INSC: variants seen among roughly 807,000 people sequenced by gnomAD.
INSC encodes INSC spindle orientation adaptor protein.
Under a neutral mutation model 58.6 loss-of-function variants are expected in INSC, and 67 were observed. The observed-to-expected ratio is 1.14, with a 90% confidence interval of 0.94 to 1.40. The LOEUF is 1.40. INSC is among the 40% of genes most tolerant of loss of function. INSC has a pLI of 0.00. For missense variants in INSC, 714 were observed against 692.0 expected (o/e 1.03, Z -0.36); for synonymous variants, 262 against 276.1 (o/e 0.95, Z 0.51).
At chr11:15,257,146 C>A in the INSC span, among the ~76,000 whole-genome samples, 1 of 152,158 alleles carries the variant, frequency 6.6e-6, no homozygotes, top group Non-Finnish European at 1.5e-5. Flanking sequence ...TCAAAAAGTT[C>A]AGTTAAACAG....
intron 1 of INSC, among the ~76,000 whole-genome samples, chr11:15,116,567 G>A (rs896023323): frequency 6.6e-6 from 1 of 152,162 alleles, no homozygotes. Context: ...TACCAGCTGA[G>A]TGGTGGTGTT....
In INSC at chr11:15,181,047, G is replaced by A. The variant is rs143225501; in HGVS notation, c.579+2600G>A. Among the ~76,000 whole-genome samples, 531 of 152,228 alleles carry A rather than the reference G, an allele frequency of 3.5e-3. 2 individuals carry two copies. Among genetic ancestry groups the A allele is most frequent in the African/African-American group, 0.012 (509 of 41,534 alleles). ...TATACCAGGATCTTACATTTGTGCCGTCTTGATGTAAATGAAATCAAATCT... is the reference window on the plus strand; with the variant it reads ...TATACCAGGATCTTACATTTGTGCCATCTTGATGTAAATGAAATCAAATCT... On this transcript the variant is annotated intron_variant, in intron 5 of 12. Transcript: ENST00000379556.
At chr11:15,116,803 T>TC (rs1331506504) in intron 1 of INSC, among the ~76,000 whole-genome samples, 1 of 117,730 alleles carries the variant, frequency 8.5e-6, no homozygotes, top group Non-Finnish European at 1.9e-5. Context: ...TTCTTTTCTT[T>TC]CTTTTCTTTC....
intron 7 of INSC, among the ~76,000 whole-genome samples, chr11:15,208,324 G>A (rs1850887317): frequency 6.6e-6 from 1 of 152,044 alleles, no homozygotes; most frequent in Non-Finnish European, 1.5e-5. Context: ...AGGCTTTGCA[G>A]AGAGGCCCAG....
At chr11:15,200,992 G>A (rs1453892428) in intron 7 of INSC, 43 bp downstream of exon 7, 1 of 1,560,948 alleles carries the variant, frequency 6.4e-7, no homozygotes, top group Non-Finnish European at 8.7e-7. Context: ...CCTCAAGCCA[G>A]GTAGGGGTGA....
At chr11:15,243,566 C>T (rs986446389) in intron 12 of INSC, among the ~76,000 whole-genome samples, 9 of 152,104 alleles carry the variant, frequency 5.9e-5, no homozygotes, top group Non-Finnish European at 8.8e-5. Context: ...CTGCTGCACA[C>T]TGAGGAGGGG....
chr11:15,194,345 G>A (rs1850293140), intron 6 of INSC, among the ~76,000 whole-genome samples: 2 of 152,108 alleles, frequency 1.3e-5, no homozygotes, highest in Non-Finnish European at 2.9e-5. Flanking sequence ...GGTTCCCAGT[G>A]CCCACTCGGT....
chr11:15,193,535 C>T (rs1304677900), intron 6 of INSC, among the ~76,000 whole-genome samples: 1 of 152,150 alleles, frequency 6.6e-6, no homozygotes, highest in Non-Finnish European at 1.5e-5. Context: ...TGAGTGAGAA[C>T]ATGCGGTGTT....
At chr11:15,225,961 A>G (rs989570507) in intron 9 of INSC, 133 bp downstream of exon 9, 8 of 813,422 alleles carry the variant, frequency 9.8e-6, no homozygotes, top group African/African-American at 8.7e-5. Flanking sequence ...TAGGAGGGCA[A>G]ATATTCTCCA....
intron 1 of INSC, among the ~76,000 whole-genome samples, chr11:15,129,285 T>C (rs1408888437): frequency 6.6e-6 from 1 of 152,244 alleles, no homozygotes; most frequent in Non-Finnish European, 1.5e-5. Flanking sequence ...GTTCTCTATG[T>C]TTATTCCAGG....
At chr11:15,153,272 T>C (rs1848708352) in intron 2 of INSC, among the ~76,000 whole-genome samples, 1 of 152,208 alleles carries the variant, frequency 6.6e-6, no homozygotes, top group Admixed American at 6.5e-5. Context: ...AAACACTTTT[T>C]CACATGGTTT....
chr11:15,170,917 A>G (rs1226068831), intron 2 of INSC, among the ~76,000 whole-genome samples: 11 of 152,226 alleles, frequency 7.2e-5, no homozygotes. Flanking sequence ...TGAAGAAATC[A>G]ATAGTTCTGT....
intron 12 of INSC, among the ~76,000 whole-genome samples, chr11:15,242,044 G>C (rs1388619155): frequency 1.3e-5 from 2 of 152,210 alleles, no homozygotes; most frequent in East Asian, 1.9e-4. Context: ...TTCAGTTACA[G>C]GTTGGTGAAA....
intron 9 of INSC, among the ~76,000 whole-genome samples, chr11:15,228,991 G>A (rs1453890081): frequency 2.0e-5 from 3 of 152,146 alleles, no homozygotes; most frequent in African/African-American, 4.8e-5. Context: ...ATGTTTTCAT[G>A]CCCAGGAGGT....
the INSC span, among the ~76,000 whole-genome samples, chr11:15,257,963 T>C: frequency 6.6e-6 from 1 of 152,000 alleles, no homozygotes; most frequent in African/African-American, 2.4e-5. Context: ...AAGATACACA[T>C]GAACTTCAAG....
chr11:15,166,904 C>T (rs752078971), intron 2 of INSC, among the ~76,000 whole-genome samples: 4 of 152,202 alleles, frequency 2.6e-5, no homozygotes, highest in Non-Finnish European at 5.9e-5. Context: ...GGCCTTTCTA[C>T]ACCTCTATAT....
intron 6 of INSC, 136 bp downstream of exon 6, chr11:15,190,950 C>A: frequency 1.7e-6 from 1 of 584,070 alleles, no homozygotes; most frequent in Non-Finnish European, 3.1e-6. Context: ...GGGAGAGTCA[C>A]TTATCCTATC....
At chr11:15,230,085 G>T (rs1224185612) in intron 9 of INSC, among the ~76,000 whole-genome samples, 1 of 130,216 alleles carries the variant, frequency 7.7e-6, no homozygotes, top group Non-Finnish European at 1.6e-5. Flanking sequence ...AGCTACTTGG[G>T]AAGCTGAGGT....
the INSC span, among the ~76,000 whole-genome samples, chr11:15,263,787 C>G: frequency 6.6e-6 from 1 of 152,068 alleles, no homozygotes; most frequent in Non-Finnish European, 1.5e-5. Context: ...CACTTTCAAG[C>G]TCATATGGTT....
Sources: gnomAD v4.1 joint callset for allele counts (sites outside exome capture counted in the v4.1 genomes callset) on GRCh38, gnomAD v4.1.1 for gene constraint, MANE v1.5 for transcripts, NCBI Gene and HGNC (gene_info 2026-07-23, HGNC 2026-07-21) for gene names.